PLCB1: variants seen among roughly 807,000 people sequenced by gnomAD.
PLCB1 encodes phospholipase C beta 1.
In PLCB1, 46 loss-of-function variants were observed where a neutral mutation model predicts 161.8. The ratio of observed to expected loss-of-function variants is 0.28; its 90% CI spans 0.22 to 0.36. The LOEUF (loss-of-function observed/expected upper bound fraction) is 0.36. Ranked by LOEUF, PLCB1 falls within the 10% of genes least tolerant of loss-of-function variation. PLCB1 has a pLI of 1.00. For synonymous variants in PLCB1, 517 were observed against 503.7 expected (o/e 1.03, Z -0.35); for missense variants, 1,016 against 1,472.5 (o/e 0.69, Z 5.07).
At chr20:8,341,170 A>G (rs1985795710) in intron 2 of PLCB1, among the ~76,000 whole-genome samples, 1 of 152,096 alleles carries the variant, frequency 6.6e-6, no homozygotes, top group Non-Finnish European at 1.5e-5. Flanking sequence ...CTCTCTGGTT[A>G]GTACTTCCTC....
intron 31 of PLCB1, among the ~76,000 whole-genome samples, chr20:8,869,259 T>C (rs1324623144): frequency 6.6e-6 from 1 of 152,210 alleles, no homozygotes; most frequent in East Asian, 1.9e-4. Flanking sequence ...TTATCATTTT[T>C]GTACAATCAA....
chr20:8,616,046 T>C (rs1988033334), intron 3 of PLCB1, among the ~76,000 whole-genome samples: 1 of 152,196 alleles, frequency 6.6e-6, no homozygotes, highest in South Asian at 2.1e-4. Context: ...GACACCTCCA[T>C]TTCTTCAACC....
At chr20:8,422,283 C>A (rs1979570949) in intron 3 of PLCB1, among the ~76,000 whole-genome samples, 1 of 152,184 alleles carries the variant, frequency 6.6e-6, no homozygotes, top group Non-Finnish European at 1.5e-5. Flanking sequence ...CAAAAAAGAG[C>A]AGAGAAGTCC....
chr20:8,325,498 C>T (rs1985115292), intron 2 of PLCB1, among the ~76,000 whole-genome samples: 1 of 152,166 alleles, frequency 6.6e-6, no homozygotes. Context: ...TCTCAGGCAC[C>T]TATGGAGTCA....
chr20:8,730,325 C>CT (rs36159300), intron 18 of PLCB1, among the ~76,000 whole-genome samples: 1 of 151,510 alleles, frequency 6.6e-6, no homozygotes, highest in African/African-American at 2.4e-5. Flanking sequence ...GAGATCAATC[C>CT]TTTTTTTTCA....
chr20:8,872,554 G>A (rs577688159), intron 31 of PLCB1, among the ~76,000 whole-genome samples: 6 of 152,250 alleles, frequency 3.9e-5, no homozygotes, highest in South Asian at 4.2e-4. Context: ...CGAGGAACCC[G>A]AACATTCTGA....
chr20:8,733,514 A>T, intron 19 of PLCB1, 122 bp downstream of exon 19: 1 of 862,952 alleles, frequency 1.2e-6, no homozygotes, highest in South Asian at 1.8e-5. Flanking sequence ...TTCTTCCTAC[A>T]TTTTTTTTCT....
At chr20:8,741,218 G>A in intron 22 of PLCB1, among the ~76,000 whole-genome samples, 1 of 152,202 alleles carries the variant, frequency 6.6e-6, no homozygotes. Flanking sequence ...TCTTCCTGAA[G>A]TTTCAACAGA....
At position 8,588,368 on chromosome 20, in the gene PLCB1, A is replaced by G. The variant is rs1189766815; in HGVS notation, c.247-39926A>G. 2.0e-5 allele frequency among the ~76,000 whole-genome samples: 3 copies of G among 152,196 alleles called. No homozygotes were observed. The East Asian group carries it at 5.8e-4, about 29-fold the overall frequency. ...GTTTCTAACTTCTTAAAAAATGTGT[A>G]TGCAACCAGGATTCATATTTTATTA... On this transcript the variant is annotated intron_variant, in intron 3 of 31. Coordinates refer to ENST00000338037, the MANE Select transcript of PLCB1 (RefSeq NM_015192.4).
chr20:8,216,524 T>C (rs745503632), intron 2 of PLCB1, among the ~76,000 whole-genome samples: 5 of 152,122 alleles, frequency 3.3e-5, no homozygotes, highest in Non-Finnish European at 5.9e-5. Flanking sequence ...AGTTCAGAGA[T>C]GAATTTGAGT....
intron 2 of PLCB1, among the ~76,000 whole-genome samples, chr20:8,283,292 A>T (rs1031453106): frequency 6.6e-6 from 1 of 152,178 alleles, no homozygotes; most frequent in South Asian, 2.1e-4. Flanking sequence ...ATTGGGAGAG[A>T]GCTAGCAATC....
intron 31 of PLCB1, among the ~76,000 whole-genome samples, chr20:8,834,453 G>A (rs1339678050): frequency 1.3e-5 from 2 of 151,944 alleles, no homozygotes; most frequent in Non-Finnish European, 2.9e-5. Flanking sequence ...AAGGGAATTG[G>A]TTCATGTGAT....
rs368656679 is a variant in PLCB1, at chr20:8,290,707, C to T, written c.178-80675C>T. Among the ~76,000 whole-genome samples the T allele has an allele frequency of 1.6e-4, 25 of 152,210 alleles. 1 individual carries two copies. The highest frequency in any genetic ancestry group is 5.8e-4 in the African/African-American group (24 of 41,552). On this transcript the variant is annotated intron_variant, in intron 2 of 31. Coordinates refer to ENST00000338037, the MANE Select transcript of PLCB1 (RefSeq NM_015192.4). ...GTCTGTTACAATGTCCAAATATAAA[C>T]TGTGCTGCTTTGACCTTTTGTGCAC...
intron 2 of PLCB1, among the ~76,000 whole-genome samples, chr20:8,257,836 AAG>A (rs1277813767): frequency 2.0e-5 from 3 of 152,154 alleles, no homozygotes; most frequent in Non-Finnish European, 4.4e-5. Flanking sequence ...ATAAAGGACA[AAG>A]ACACTGTTCC....
intron 3 of PLCB1, among the ~76,000 whole-genome samples, chr20:8,605,279 C>T (rs532401362): frequency 3.8e-4 from 58 of 152,114 alleles, no homozygotes; most frequent in Non-Finnish European, 7.4e-4. Flanking sequence ...CCTATTTTCC[C>T]TTACCATATC....
At chr20:8,681,424 C>T (rs561018631) in intron 9 of PLCB1, among the ~76,000 whole-genome samples, 1 of 151,974 alleles carries the variant, frequency 6.6e-6, no homozygotes, top group Non-Finnish European at 1.5e-5. Context: ...GTCATTTCTG[C>T]CCTATTGGCC....
rs959394553 is a variant in PLCB1 at position 8,449,037 on chromosome 20, G to A, written c.246+77587G>A. Among the ~76,000 whole-genome samples the A allele has an allele frequency of 2.0e-5, 3 of 152,106 alleles. 1 individual carries two copies. The highest frequency in any genetic ancestry group is 7.2e-5 in the African/African-American group (3 of 41,400). On this transcript the variant is annotated intron_variant, in intron 3 of 31. Transcript: ENST00000338037. ...TCAAATGGCAACTAAAGTGAGAAGG[G>A]AAATCATTTATTCTTAAATGCAAAT...
intron 3 of PLCB1, among the ~76,000 whole-genome samples, chr20:8,551,030 G>A (rs548673652): frequency 5.3e-5 from 8 of 152,230 alleles, no homozygotes; most frequent in African/African-American, 1.2e-4. Flanking sequence ...TTTTGTTGTC[G>A]TTCTCACATC....
At chr20:8,287,724 C>T (rs950784630) in intron 2 of PLCB1, among the ~76,000 whole-genome samples, 2 of 152,184 alleles carry the variant, frequency 1.3e-5, no homozygotes, top group Non-Finnish European at 2.9e-5. Context: ...CTAGTAATTA[C>T]TCACGGAATT....
Sources: allele counts gnomAD v4.1 joint callset (sites outside exome capture counted in the v4.1 genomes callset), GRCh38; gene constraint gnomAD v4.1.1; transcripts MANE v1.5; gene names NCBI Gene and HGNC (gene_info 2026-07-23, HGNC 2026-07-21).